Variants in ZFHX3 observed in about 807,000 individuals in gnomAD.
The protein encoded by ZFHX3 is zinc finger homeobox protein 3.
A neutral mutation model predicts 279.1 loss-of-function variants in ZFHX3; 42 were observed. The observed-to-expected ratio is 0.15, with a 90% CI of 0.12 to 0.19. ZFHX3 has a LOEUF of 0.19. Among genes scored for constraint, ZFHX3 ranks in the 10% least tolerant of loss-of-function variants. ZFHX3 has a pLI of 1.00. For missense variants in ZFHX3, 4,981 were observed against 4,754.0 expected, an observed-to-expected ratio of 1.05 and a Z score of -1.40; for synonymous variants, 2,293 against 1,957.8, an observed-to-expected ratio of 1.17 and a Z score of -4.52.
rs1489946595 is a variant in ZFHX3, at chr16:72,957,465, T to C, written c.2681A>G (p.Asp894Gly). 3.1e-6 allele frequency: 5 copies of C among 1,613,550 alleles called. No homozygotes were observed. The South Asian group carries it at 5.5e-5, about 18-fold the overall frequency. The change falls in exon 2 of 10, where the codon GAT (aspartate) becomes GGT (glycine). Residue 894 changes from aspartate (D) to glycine (G), a missense_variant. Asp to Gly is a moderately conservative substitution (Grantham distance 94). This residue lies in a region of ZFHX3 where 1,751 missense variants were observed against 1,770.0 expected (regional missense o/e 0.99). Coordinates refer to ENST00000268489, the MANE Select transcript of ZFHX3 (RefSeq NM_006885.4). ...CATGGCGGCCATGGGCCCGGCGGGA[T>C]CCAGCTGGAATCCGCTCATCATGAA... ...AQFMMSGFQLDPAGPMAAMTP... is the reference protein window; with the variant it reads ...AQFMMSGFQLGPAGPMAAMTP...
chr16:73,876,907 G>A (rs757150269), intron 1 of ZFHX3, among the ~76,000 whole-genome samples: 4 of 151,998 alleles, frequency 2.6e-5, no homozygotes, highest in African/African-American at 4.8e-5. Context: ...TGGCTCCCAC[G>A]CAGAGTTGTA....
At chr16:72,949,733 GA>G (rs200591740) in intron 3 of ZFHX3, among the ~76,000 whole-genome samples, 5,743 of 149,116 alleles carry the variant, frequency 0.039, 152 homozygotes, top group Middle Eastern at 0.09. Context: ...AGAGGACACA[GA>G]ACCCAGGAAG....
chr16:72,798,500 T>C lies in ZFHX3; in HGVS notation c.4182A>G (p.Ser1394=). ...AGCGGTACTTGTACACATGGCGATC[T>C]GACACCGGCAGCTGAGGCCTCTTGG... ...VHAKRPQLPV[S]DRHVYKYRCN... The change falls in exon 9 of 10, where the codon TCA becomes TCG. Residue 1394 remains serine (S), a synonymous_variant. Coordinates refer to ENST00000268489, the MANE Select transcript of ZFHX3 (RefSeq NM_006885.4). The C allele has an allele frequency of 6.2e-7, 1 of 1,614,196 alleles. No individual in the cohort carries two copies. The highest frequency in any genetic ancestry group is 8.5e-7 in the Non-Finnish European group (1 of 1,180,012).
intron 4 of ZFHX3, among the ~76,000 whole-genome samples, chr16:73,279,324 T>C (rs761258139): frequency 6.6e-6 from 1 of 152,132 alleles, no homozygotes; most frequent in Non-Finnish European, 1.5e-5. Context: ...ACCCATAAAT[T>C]ATTGGGTATT....
chr16:73,064,882 A>G (rs1174028563), intron 8 of ZFHX3, among the ~76,000 whole-genome samples: 1 of 152,232 alleles, frequency 6.6e-6, no homozygotes, highest in Admixed American at 6.5e-5. Flanking sequence ...ACCGCTGGCT[A>G]GCGCCTGACT....
exon 1 of ZFHX3, chr16:73,059,662 A>G (rs866904253): frequency 7.2e-5 from 11 of 152,054 alleles, no homozygotes; most frequent in African/African-American, 2.7e-4. Context: ...GGTTTAAGTG[A>G]AAGAGCAGAG....
chr16:73,360,971 A>G (rs2016424526), intron 3 of ZFHX3, among the ~76,000 whole-genome samples: 1 of 152,212 alleles, frequency 6.6e-6, no homozygotes, highest in South Asian at 2.1e-4. Flanking sequence ...AGAAAAGGAA[A>G]AGAAAGATAA....
chr16:73,136,274 G>C (rs187053772), intron 6 of ZFHX3, among the ~76,000 whole-genome samples: 1 of 151,972 alleles, frequency 6.6e-6, no homozygotes, highest in African/African-American at 2.4e-5. Flanking sequence ...AGATCTTGGG[G>C]ACTCCATTTT....
intron 2 of ZFHX3, among the ~76,000 whole-genome samples, chr16:73,536,514 C>G (rs1159895182): frequency 1.3e-5 from 2 of 152,230 alleles, no homozygotes; most frequent in African/African-American, 4.8e-5. Context: ...TTCCTTCCAT[C>G]TGCATAAAGT....
At chr16:72,967,646 G>C (rs1027246886) in intron 1 of ZFHX3, among the ~76,000 whole-genome samples, 3 of 151,960 alleles carry the variant, frequency 2.0e-5, no homozygotes, top group African/African-American at 7.3e-5. Context: ...TCCGGGAGCG[G>C]TGGCTCACGC....
intron 1 of ZFHX3, among the ~76,000 whole-genome samples, chr16:72,990,113 G>A (rs1171096633): frequency 6.6e-6 from 1 of 152,140 alleles, no homozygotes; most frequent in Admixed American, 6.5e-5. Flanking sequence ...AGTCCTGGCT[G>A]ATTTCTGACT....
intron 5 of ZFHX3, among the ~76,000 whole-genome samples, chr16:73,167,919 G>A (rs895936456): frequency 1.3e-5 from 2 of 152,170 alleles, no homozygotes; most frequent in African/African-American, 2.4e-5. Flanking sequence ...ACCCTAAAAC[G>A]ACTCGATGCT....
rs183539509 is a variant in ZFHX3 at position 73,790,652 on chromosome 16, G to A, written c.-1608+100999C>T. Among the ~76,000 whole-genome samples, 24 of 152,294 alleles carry A rather than the reference G, an allele frequency of 1.6e-4. 1 individual carries two copies. In the East Asian group the frequency reaches 4.2e-3, roughly 27 times the overall value. ...CCTTGAGTACACTTGAGTTCCAAAT[G>A]CAAGGCTGGTGGCCTTATTCTGGTG... On this transcript the variant is annotated intron_variant, in intron 1 of 17. Coordinates refer to the ZFHX3 transcript ENST00000641206.
chr16:73,416,706 C>T (rs1456533584), intron 3 of ZFHX3, among the ~76,000 whole-genome samples: 1 of 151,778 alleles, frequency 6.6e-6, no homozygotes, highest in Non-Finnish European at 1.5e-5. Flanking sequence ...ACCCCCGTCT[C>T]TACTAAAAAT....
chr16:73,672,035 A>T (rs1195032665), intron 2 of ZFHX3, among the ~76,000 whole-genome samples: 1 of 149,124 alleles, frequency 6.7e-6, no homozygotes, highest in African/African-American at 2.5e-5. Context: ...TGAGGGACAG[A>T]TCTGAGGGGA....
chr16:73,722,806 G>A (rs1485168176), intron 1 of ZFHX3, among the ~76,000 whole-genome samples: 1 of 152,194 alleles, frequency 6.6e-6, no homozygotes, highest in Non-Finnish European at 1.5e-5. Context: ...AAAGGGTACA[G>A]TTTATAATTT....
intron 7 of ZFHX3, among the ~76,000 whole-genome samples, chr16:73,119,554 G>A (rs549249287): frequency 4.7e-4 from 72 of 152,304 alleles, no homozygotes; most frequent in South Asian, 2.7e-3. Flanking sequence ...GCTCCTGAGC[G>A]CTTGGACCAA....
At chr16:73,238,346 C>T (rs536045014) in intron 5 of ZFHX3, among the ~76,000 whole-genome samples, 88 of 152,144 alleles carry the variant, frequency 5.8e-4, no homozygotes, top group Non-Finnish European at 1.1e-3. Context: ...GGATCTCTGG[C>T]TCCCTGCTGT....
At chr16:73,600,196 G>T (rs2052097068) in intron 2 of ZFHX3, among the ~76,000 whole-genome samples, 1 of 152,126 alleles carries the variant, frequency 6.6e-6, no homozygotes, top group Non-Finnish European at 1.5e-5. Context: ...TCAGACTAAA[G>T]GCCAGAGAGA....
Sources: allele counts gnomAD v4.1 joint callset (sites outside exome capture counted in the v4.1 genomes callset), GRCh38; gene constraint gnomAD v4.1.1; regional missense constraint gnomAD v4.1.1; transcripts MANE v1.5; gene names NCBI Gene and HGNC (gene_info 2026-07-23, HGNC 2026-07-21).